GALNT3: variants seen among roughly 807,000 people sequenced by gnomAD.
The protein encoded by GALNT3 is GalNAc transferase 3.
In GALNT3, 51 loss-of-function variants were observed where a neutral mutation model predicts 69.8. That is an observed-to-expected ratio of 0.73 (90% CI 0.58 to 0.92). GALNT3 has a LOEUF of 0.92. Ranked by LOEUF, GALNT3 falls within the 40% of genes least tolerant of loss-of-function variation. The pLI, the probability that GALNT3 is intolerant of heterozygous loss-of-function variation, is 0.00. For missense variants in GALNT3, 711 were observed against 760.0 expected, an observed-to-expected ratio of 0.94 and a Z score of 0.76; for synonymous variants, 265 against 248.5, an observed-to-expected ratio of 1.07 and a Z score of -0.63.
intron 3 of GALNT3, among the ~76,000 whole-genome samples, chr2:165,762,499 C>A (rs1234270765): frequency 6.6e-6 from 1 of 152,012 alleles, no homozygotes; most frequent in Non-Finnish European, 1.5e-5. Context: ...ATCTAAAGAC[C>A]TCTGATATTT....
chr2:165,789,738 TAGAA>T (rs1683303310), intron 1 of GALNT3, among the ~76,000 whole-genome samples: 1 of 151,994 alleles, frequency 6.6e-6, no homozygotes, highest in South Asian at 2.1e-4. Flanking sequence ...TTTTGGATGT[TAGAA>T]AGGTGATATG....
chr2:165,749,370 A>G (rs573995395), intron 10 of GALNT3, among the ~76,000 whole-genome samples: 429 of 152,248 alleles, frequency 2.8e-3, no homozygotes, highest in African/African-American at 0.01. Flanking sequence ...GGTAGAAAAA[A>G]ATTAATCACT....
chr2:165,790,807 C>T lies in GALNT3; in HGVS notation c.-109+3208G>A, dbSNP rs962683169. ...GTGGAGAGGGGGAGTGTAATTCCTA[C>T]AATTTGTCTCATACTTGTTTCATAG... is the stretch of plus-strand genomic sequence containing the variant. On this transcript the variant is annotated intron_variant, in intron 1 of 10. Coordinates refer to ENST00000392701, the MANE Select transcript of GALNT3 (RefSeq NM_004482.4). Among the ~76,000 whole-genome samples, 9 of 152,124 alleles carry T rather than the reference C, an allele frequency of 5.9e-5. No individual in the cohort carries two copies. The East Asian group carries it at 1.2e-3, about 20-fold the overall frequency.
At chr2:165,753,551 T>TA (rs1688389410) in intron 9 of GALNT3, among the ~76,000 whole-genome samples, 1 of 152,184 alleles carries the variant, frequency 6.6e-6, no homozygotes, top group Non-Finnish European at 1.5e-5. Flanking sequence ...CTAAAGGAGT[T>TA]AGAGTCTAAA....
chr2:165,779,687 C>CA (rs977414164), intron 1 of GALNT3, among the ~76,000 whole-genome samples: 25 of 151,106 alleles, frequency 1.7e-4, no homozygotes, highest in South Asian at 6.3e-4. Flanking sequence ...TTAACATATA[C>CA]AAAAAAAACC....
At chr2:165,793,812 C>T (rs1683404692) in intron 1 of GALNT3, 1 of 152,942 alleles carries the variant, frequency 6.5e-6, no homozygotes, top group Middle Eastern at 3.3e-3. Context: ...GGCTCCCCCC[C>T]GAGGCGCCAC....
intron 2 of GALNT3, among the ~76,000 whole-genome samples, chr2:165,765,709 C>T (rs1011037532): frequency 1.3e-5 from 2 of 151,972 alleles, no homozygotes; most frequent in Non-Finnish European, 2.9e-5. Flanking sequence ...AGGATGGTCT[C>T]GATCACCTGA....
At chr2:165,788,506 T>C (rs956924960) in intron 1 of GALNT3, among the ~76,000 whole-genome samples, 22 of 149,596 alleles carry the variant, frequency 1.5e-4, no homozygotes, top group African/African-American at 5.4e-4. Flanking sequence ...TGTGTGTGTG[T>C]ATACAGACAA....
At chr2:165,763,977 A>G (rs936345386) in intron 3 of GALNT3, among the ~76,000 whole-genome samples, 1 of 152,212 alleles carries the variant, frequency 6.6e-6, no homozygotes, top group Admixed American at 6.5e-5. Flanking sequence ...ATAAAATGAG[A>G]TATCTGACCT....
rs186033120 is a variant in GALNT3 at position 165,762,233 on chromosome 2, C to A, written c.689-179G>T. Among the ~76,000 whole-genome samples the A allele has an allele frequency of 2.3e-3, 354 of 152,252 alleles. 2 individuals are homozygous for A. The highest frequency in any genetic ancestry group is 7.7e-3 in the African/African-American group (320 of 41,542). ...ACTCCTTACTGGGGAAAAAGGCTAG[C>A]TATGCAAATTATCACTACTGTAACA... On this transcript the variant is annotated intron_variant, in intron 3 of 10. Transcript: ENST00000392701.
chr2:165,752,951 TA>T (rs1181910208), intron 9 of GALNT3, among the ~76,000 whole-genome samples: 3 of 152,158 alleles, frequency 2.0e-5, no homozygotes, highest in Admixed American at 6.5e-5. Flanking sequence ...GATATAGGTA[TA>T]GATGTATGTC....
At chr2:165,771,742 G>A (rs1213264897) in intron 1 of GALNT3, 1 of 152,142 alleles carries the variant, frequency 6.6e-6, no homozygotes, top group African/African-American at 2.4e-5. Flanking sequence ...TCTTCCTAAG[G>A]TCTAAACATA....
Position 165,764,900 on chromosome 2 carries a change from A to G in GALNT3, c.672T>C (p.Asp224=). Residue 224 remains aspartate (D), a synonymous_variant, in exon 3 of 11, where the codon GAT becomes GAC. Transcript: ENST00000392701. The part of the protein sequence containing the change: ...AILLKEIILV[D]DASVDEYLHD... The stretch of plus-strand genomic sequence containing the variant: ...CTTTCTTACCATCTACACTAGCATC[A>G]TCCACCAAAATGATTTCCTTCAGCA... 1 of 1,614,220 alleles carries G rather than the reference A, an allele frequency of 6.2e-7. No individual in the cohort carries two copies. Among genetic ancestry groups the G allele is most frequent in the Non-Finnish European group, 8.5e-7 (1 of 1,180,036 alleles).
intron 9 of GALNT3, 45 bp downstream of exon 9, chr2:165,754,582 C>A (rs747685834): frequency 2.1e-5 from 29 of 1,360,260 alleles, no homozygotes; most frequent in Non-Finnish European, 2.8e-5. Context: ...CTCACTTGTG[C>A]TTGTAAATGC....
chr2:165,763,070 G>C (rs1484803882), intron 3 of GALNT3, among the ~76,000 whole-genome samples: 1 of 151,878 alleles, frequency 6.6e-6, no homozygotes, highest in Non-Finnish European at 1.5e-5. Flanking sequence ...CAAAATGCTG[G>C]GATTACAGGT....
At chr2:165,761,794 T>C (rs760777836) in intron 4 of GALNT3, 111 bp downstream of exon 4, 1 of 1,190,962 alleles carries the variant, frequency 8.4e-7, no homozygotes, top group South Asian at 1.2e-5. Flanking sequence ...TTGAAAACGC[T>C]GTTAAAGAAA....
chr2:165,791,519 T>C (rs555895528), intron 1 of GALNT3, among the ~76,000 whole-genome samples: 3 of 152,134 alleles, frequency 2.0e-5, no homozygotes, highest in East Asian at 3.8e-4. Context: ...TACACTCACA[T>C]TGGAGTTTAC....
At chr2:165,760,338 G>A (rs1688522852) in intron 4 of GALNT3, among the ~76,000 whole-genome samples, 1 of 152,196 alleles carries the variant, frequency 6.6e-6, no homozygotes, top group Non-Finnish European at 1.5e-5. Context: ...CTAATATAAA[G>A]GGAGGGCCAA....
At position 165,770,339 on chromosome 2, in the gene GALNT3, G is replaced by A; in HGVS notation, c.362C>T (p.Pro121Leu). The change falls in exon 2 of 11, where the codon CCT (proline) becomes CTT (leucine). Residue 121 changes from proline to leucine, a missense_variant. Coordinates refer to ENST00000392701, the MANE Select transcript of GALNT3 (RefSeq NM_004482.4). Reference protein sequence around the residue: ...LDRPPQDSNAPGASGKAFKTT... With the variant: ...LDRPPQDSNALGASGKAFKTT... Reference sequence around the variant, plus strand: ...CTTGAATGCTTTACCAGAAGCACCAGGTGCATTTGAATCCTGAGGTGGACG... The same window carrying A: ...CTTGAATGCTTTACCAGAAGCACCAAGTGCATTTGAATCCTGAGGTGGACG... The A allele has an allele frequency of 6.2e-7, 1 of 1,614,072 alleles. No homozygotes were observed. Among genetic ancestry groups the A allele is most frequent in the Admixed American group, 1.7e-5 (1 of 60,008 alleles).
Sources: allele counts gnomAD v4.1 joint callset (sites outside exome capture counted in the v4.1 genomes callset), GRCh38; gene constraint gnomAD v4.1.1; transcripts MANE v1.5; gene names NCBI Gene and HGNC (gene_info 2026-07-23, HGNC 2026-07-21).